RYR2: variants seen among roughly 807,000 people sequenced by gnomAD.
RYR2 encodes cardiac muscle ryanodine receptor-calcium release channel.
In RYR2, 227 loss-of-function variants were observed where a neutral mutation model predicts 601.1. The ratio of observed to expected loss-of-function variants is 0.38; its 90% CI spans 0.34 to 0.42. RYR2 has a LOEUF of 0.42. Among genes scored for constraint, RYR2 ranks in the 10% least tolerant of loss-of-function variants. The pLI is 1.00. For synonymous variants in RYR2, 2,223 were observed against 2,175.1 expected, an observed-to-expected ratio of 1.02 and a Z score of -0.61; for missense variants, 4,646 against 6,156.5, an observed-to-expected ratio of 0.75 and a Z score of 8.21.
At chr1:237,127,075 A>G (rs529286060) in intron 1 of RYR2, among the ~76,000 whole-genome samples, 19 of 151,818 alleles carry the variant, frequency 1.3e-4, no homozygotes, top group African/African-American at 4.1e-4. Context: ...GACACAGCAC[A>G]TGTTTCAGAG....
At chr1:237,526,097 C>T (rs1261241473) in intron 24 of RYR2, among the ~76,000 whole-genome samples, 1 of 152,104 alleles carries the variant, frequency 6.6e-6, no homozygotes, top group African/African-American at 2.4e-5. Context: ...AATATTCATG[C>T]TGTTTCCCAA....
chr1:237,809,086 G>T (rs1383496066), intron 100 of RYR2, 51 bp downstream of exon 100: 2 of 1,509,464 alleles, frequency 1.3e-6, no homozygotes, highest in African/African-American at 1.4e-5. Flanking sequence ...TCCTGCTTCT[G>T]CAGTCTAAGT....
At chr1:237,346,367 C>CAAAAAAAA (rs397975831) in intron 3 of RYR2, among the ~76,000 whole-genome samples, 31 of 62,334 alleles carry the variant, frequency 5.0e-4, no homozygotes, top group East Asian at 1.1e-3. Flanking sequence ...GGGTCTACCT[C>CAAAAAAAA]AAAAAAAAAA....
rs397516523 is a variant in RYR2, at chr1:237,511,684, T to A, written c.2719-4T>A. Reference sequence around the variant, plus strand: ...TTTTATGTCAATTTCCTGTCCTGTTTCAGGTTAGAGATGACAACAAGAGAC... The same window carrying A: ...TTTTATGTCAATTTCCTGTCCTGTTACAGGTTAGAGATGACAACAAGAGAC... On this transcript the variant is annotated splice_region_variant and splice_polypyrimidine_tract_variant and intron_variant, in intron 23 of 104. Coordinates refer to ENST00000366574, the MANE Select transcript of RYR2 (RefSeq NM_001035.3). 112 of 1,559,028 alleles carry A rather than the reference T, an allele frequency of 7.2e-5. No individual in the cohort carries two copies. The highest frequency in any genetic ancestry group is 9.6e-5 in the Non-Finnish European group (110 of 1,149,572).
intron 89 of RYR2, 61 bp from the exon 90 acceptor site, chr1:237,783,614 T>C: frequency 2.0e-6 from 2 of 1,005,336 alleles, no homozygotes; most frequent in South Asian, 3.3e-5. Flanking sequence ...CATTGTTATC[T>C]TCTGTATGAT....
chr1:237,626,026 G>C (rs1032105503), intron 40 of RYR2, among the ~76,000 whole-genome samples: 1 of 152,160 alleles, frequency 6.6e-6, no homozygotes, highest in Admixed American at 6.5e-5. Flanking sequence ...AAGATGGATG[G>C]TCTCCATAGA....
intron 56 of RYR2, among the ~76,000 whole-genome samples, chr1:237,662,949 T>C (rs1232120309): frequency 1.3e-5 from 2 of 152,356 alleles, no homozygotes; most frequent in South Asian, 4.1e-4. Flanking sequence ...TGAATTCTTA[T>C]TGTTACTATT....
chr1:237,737,786 C>T (rs1315120524), intron 79 of RYR2, among the ~76,000 whole-genome samples: 27 of 152,112 alleles, frequency 1.8e-4, no homozygotes, highest in Admixed American at 1.7e-3. Context: ...GTTTTCAATC[C>T]ATCTAAACAT....
At chr1:237,763,947 G>C (rs1490751232) in intron 84 of RYR2, among the ~76,000 whole-genome samples, 3 of 152,164 alleles carry the variant, frequency 2.0e-5, no homozygotes, top group Non-Finnish European at 4.4e-5. Flanking sequence ...GATAGAAAAG[G>C]CTGAAAAAGC....
intron 56 of RYR2, 68 bp downstream of exon 56, chr1:237,661,015 T>G (rs1307098176): frequency 1.6e-6 from 2 of 1,230,878 alleles, no homozygotes; most frequent in African/African-American, 3.1e-5. Flanking sequence ...TAAATTTAAT[T>G]ATTGAGTTTT....
intron 100 of RYR2, among the ~76,000 whole-genome samples, chr1:237,813,151 G>A (rs1661431614): frequency 6.6e-6 from 1 of 152,156 alleles, no homozygotes; most frequent in Non-Finnish European, 1.5e-5. Flanking sequence ...AGGCAGGAGG[G>A]GAGTGGGAGG....
At chr1:237,447,187 A>G (rs1252964239) in intron 14 of RYR2, among the ~76,000 whole-genome samples, 1 of 152,220 alleles carries the variant, frequency 6.6e-6, no homozygotes, top group Non-Finnish European at 1.5e-5. Flanking sequence ...TTAATTTAAT[A>G]CTAGACCAAA....
intron 1 of RYR2, among the ~76,000 whole-genome samples, chr1:237,188,428 C>A (rs946926753): frequency 6.6e-6 from 1 of 152,144 alleles, no homozygotes; most frequent in Non-Finnish European, 1.5e-5. Flanking sequence ...GTGACTGCAC[C>A]AAACCTTACT....
At position 237,742,320 on chromosome 1, in the gene RYR2, G is replaced by A. The variant is rs942040362; in HGVS notation, c.11116G>A (p.Asp3706Asn). 37 of 1,561,314 alleles carry A rather than the reference G, an allele frequency of 2.4e-5. No individual in the cohort carries two copies. The Middle Eastern group carries it at 6.9e-4, about 29-fold the overall frequency. Residue 3706 changes from aspartate to asparagine, a missense_variant, in exon 80 of 105, where the codon GAT becomes AAT. By Grantham distance (23) the Asp-to-Asn change is conservative (BLOSUM62 1). Around this residue, in one of 17 missense-constraint regions of RYR2, gnomAD observed 1,497 missense variants for 1,842.6 expected, o/e 0.81. Coordinates refer to ENST00000366574, the MANE Select transcript of RYR2 (RefSeq NM_001035.3). Reference protein sequence around the residue: ...AKSCHDEEDDDGEEEVKSFEE... With the variant: ...AKSCHDEEDDNGEEEVKSFEE... Reference sequence around the variant, plus strand: ...GAGTTGTCATGATGAGGAAGATGACGATGGTGAAGAGGAAGTGAAGAGTTT... The same window carrying A: ...GAGTTGTCATGATGAGGAAGATGACAATGGTGAAGAGGAAGTGAAGAGTTT...
intron 1 of RYR2, among the ~76,000 whole-genome samples, chr1:237,042,770 T>A (rs1659321774): frequency 6.6e-6 from 1 of 151,984 alleles, no homozygotes; most frequent in African/African-American, 2.4e-5. Flanking sequence ...GGCGCGTGTC[T>A]GTGCGCGCGT....
At chr1:237,104,479 G>A (rs1668453854) in intron 1 of RYR2, among the ~76,000 whole-genome samples, 1 of 152,174 alleles carries the variant, frequency 6.6e-6, no homozygotes, top group Non-Finnish European at 1.5e-5. Context: ...CTGCTTCTGT[G>A]TGATGCTCCG....
rs1677711107 is a variant in RYR2, at chr1:237,610,427, A to G, written c.4684-335A>G. ...CACTGAAAGTCCCTAAAGACTTGCCAGCTTTCCCGGAGGTCCCAGCCTGGT... is the reference window on the plus strand; with the variant it reads ...CACTGAAAGTCCCTAAAGACTTGCCGGCTTTCCCGGAGGTCCCAGCCTGGT... On this transcript the variant is annotated intron_variant, in intron 35 of 104. Coordinates refer to ENST00000366574, the MANE Select transcript of RYR2 (RefSeq NM_001035.3). This position sits in a 1 kb window ranked among gnomAD's most constrained non-coding sequence, Gnocchi z 4.9. Among the ~76,000 whole-genome samples, 1 of 152,166 alleles carries G rather than the reference A, an allele frequency of 6.6e-6. No homozygotes were observed.
At chr1:237,609,729 GCCCTTGATTCTGGTTCC>G (rs1677611846) in intron 35 of RYR2, among the ~76,000 whole-genome samples, 1 of 151,896 alleles carries the variant, frequency 6.6e-6, no homozygotes, top group African/African-American at 2.4e-5. Context: ...TAAAATTGCT[GCCCTTGATTCTGGTTCC>G]CCCATTCTAG....
At chr1:237,613,607 G>C (rs1258038143) in intron 36 of RYR2, among the ~76,000 whole-genome samples, 1 of 152,098 alleles carries the variant, frequency 6.6e-6, no homozygotes, top group Non-Finnish European at 1.5e-5. Context: ...ATTCTATGTA[G>C]AAGAAAATTT....
Sources: allele counts gnomAD v4.1 joint callset (sites outside exome capture counted in the v4.1 genomes callset), GRCh38; gene constraint gnomAD v4.1.1; regional missense constraint gnomAD v4.1.1; non-coding constraint Gnocchi (gnomAD v3.1); transcripts MANE v1.5; gene names NCBI Gene and HGNC (gene_info 2026-07-23, HGNC 2026-07-21).